CCDC7: variants seen among roughly 807,000 people sequenced by gnomAD.
The protein encoded by CCDC7 is coiled-coil domain containing 7.
Under a neutral mutation model 196.9 loss-of-function variants are expected in CCDC7, and 183 were observed. That is an observed-to-expected ratio of 0.93 (90% CI 0.82 to 1.05). The LOEUF (loss-of-function observed/expected upper bound fraction) is 1.05, where lower values mean the gene tolerates loss of function less well. CCDC7 is among the 50% of genes least tolerant of loss of function. CCDC7 has a pLI of 0.00. For synonymous variants in CCDC7, 525 were observed against 484.6 expected, an observed-to-expected ratio of 1.08 and a Z score of -1.10; for missense variants, 1,540 against 1,482.2, an observed-to-expected ratio of 1.04 and a Z score of -0.64.
At chr10:32,751,912 G>A (rs998999754) in intron 28 of CCDC7, among the ~76,000 whole-genome samples, 10 of 152,132 alleles carry the variant, frequency 6.6e-5, no homozygotes, top group African/African-American at 1.7e-4. Flanking sequence ...GGCAGAGAAC[G>A]TGATTCAGTG....
At chr10:32,840,974 G>A (rs760674242) in intron 33 of CCDC7, among the ~76,000 whole-genome samples, 17 of 151,660 alleles carry the variant, frequency 1.1e-4, no homozygotes, top group East Asian at 9.7e-4. Context: ...TAAAACCCTC[G>A]GCAAAATCGG....
At chr10:32,717,896 A>C (rs1459552333) in intron 25 of CCDC7, among the ~76,000 whole-genome samples, 1 of 4,024 alleles carries the variant, frequency 2.5e-4, no homozygotes, top group East Asian at 0.062. Context: ...ATAGCCTACC[A>C]AAAAAAAAAA....
At chr10:32,460,746 C>G (rs2035454637) in intron 3 of CCDC7, among the ~76,000 whole-genome samples, 1 of 152,150 alleles carries the variant, frequency 6.6e-6, no homozygotes, top group Non-Finnish European at 1.5e-5. Flanking sequence ...TCTTATTTAG[C>G]TTAGTGATTC....
At chr10:32,717,101 A>T in intron 25 of CCDC7, among the ~76,000 whole-genome samples, 1 of 152,212 alleles carries the variant, frequency 6.6e-6, no homozygotes, top group East Asian at 1.9e-4. Context: ...ACCACGTCGC[A>T]CTTATTCTAA....
intron 21 of CCDC7, among the ~76,000 whole-genome samples, chr10:32,673,222 G>A (rs1239501372): frequency 6.6e-6 from 1 of 152,086 alleles, no homozygotes; most frequent in African/African-American, 2.4e-5. Context: ...AAATCAGGAA[G>A]TATGATGCCT....
At chr10:32,836,441 C>A (rs1032803025) in intron 33 of CCDC7, among the ~76,000 whole-genome samples, 2 of 152,108 alleles carry the variant, frequency 1.3e-5, no homozygotes, top group Non-Finnish European at 2.9e-5. Flanking sequence ...AGTTCTAGAT[C>A]CTTGAGGAAT....
At chr10:32,814,342 G>A (rs928903643) in intron 30 of CCDC7, 28 bp from the exon 32 acceptor site, 1 of 1,403,586 alleles carries the variant, frequency 7.1e-7, no homozygotes, top group Non-Finnish European at 1.0e-6. Context: ...TTACCTTACA[G>A]TGTTTTGATA....
intron 9 of CCDC7, among the ~76,000 whole-genome samples, chr10:32,503,378 C>G (rs1049702060): frequency 2.0e-5 from 3 of 152,082 alleles, no homozygotes; most frequent in Non-Finnish European, 4.4e-5. Context: ...TTGTCAAATG[C>G]TTTTTCTGCA....
intron 21 of CCDC7, among the ~76,000 whole-genome samples, chr10:32,669,158 A>G (rs73259424): frequency 1.3e-5 from 2 of 152,084 alleles, no homozygotes; most frequent in East Asian, 1.9e-4. Context: ...TGAGATTATC[A>G]TGTGGTTTTT....
chr10:32,568,006 GTTTTT>G, intron 15 of CCDC7, 115 bp downstream of exon 16: 2 of 598,180 alleles, frequency 3.3e-6, no homozygotes, highest in Non-Finnish European at 2.2e-6. Flanking sequence ...CTGTTTTTGG[GTTTTT>G]TTTTTTTTTT....
chr10:32,811,165 A>G (rs1006662804), intron 30 of CCDC7, among the ~76,000 whole-genome samples: 2 of 152,096 alleles, frequency 1.3e-5, no homozygotes, highest in African/African-American at 4.8e-5. Flanking sequence ...AAAAAGGATC[A>G]GAGCAGAACT....
chr10:32,829,023 TAAG>T (rs1335395680), intron 32 of CCDC7, among the ~76,000 whole-genome samples: 1 of 152,096 alleles, frequency 6.6e-6, no homozygotes, highest in Non-Finnish European at 1.5e-5. Context: ...ATCAACAGGC[TAAG>T]AAGGGGGCTA....
chr10:32,519,327 TCA>T (rs920468577), intron 11 of CCDC7, among the ~76,000 whole-genome samples: 7 of 152,184 alleles, frequency 4.6e-5, no homozygotes, highest in African/African-American at 1.7e-4. Context: ...AGCATCCTAA[TCA>T]CACACTGTTA....
intron 21 of CCDC7, among the ~76,000 whole-genome samples, chr10:32,669,133 T>A (rs529006447): frequency 6.6e-6 from 1 of 152,130 alleles, no homozygotes; most frequent in Admixed American, 6.6e-5. Flanking sequence ...TACTGGATGT[T>A]TTTTCTGCAT....
intron 20 of CCDC7, among the ~76,000 whole-genome samples, chr10:32,636,902 C>G (rs2065760214): frequency 6.6e-6 from 1 of 152,078 alleles, no homozygotes; most frequent in South Asian, 2.1e-4. Flanking sequence ...TGTTTCCTGA[C>G]TTTTTAATGA....
intron 31 of CCDC7, among the ~76,000 whole-genome samples, chr10:32,821,113 T>C (rs2090091844): frequency 6.6e-6 from 1 of 152,036 alleles, no homozygotes; most frequent in African/African-American, 2.4e-5. Context: ...CTCAAACAAA[T>C]TTACAAGAAA....
At chr10:32,880,085 T>C (rs1189932513), downstream of CCDC7, among the ~76,000 whole-genome samples, 1 of 152,132 alleles carries the variant, frequency 6.6e-6, no homozygotes, top group East Asian at 1.9e-4. Flanking sequence ...GATTGCTGGG[T>C]CAAATGGTAT....
intron 16 of CCDC7, among the ~76,000 whole-genome samples, chr10:32,580,250 T>C (rs538729033): frequency 6.6e-6 from 1 of 152,158 alleles, no homozygotes; most frequent in Non-Finnish European, 1.5e-5. Flanking sequence ...CTAGGCAACA[T>C]TGTCAGCATA....
rs146464703 is a variant in CCDC7, at chr10:32,698,188, A to G, written c.2458+3196A>G. 7.0e-3 allele frequency among the ~76,000 whole-genome samples: 1,072 copies of G among 152,256 alleles called. 13 individuals are homozygous for G. The highest frequency in any genetic ancestry group is 0.025 in the African/African-American group (1,023 of 41,548). On this transcript the variant is annotated intron_variant, in intron 24 of 41. Coordinates refer to ENST00000639629, the Ensembl canonical transcript of CCDC7. ...AAAAACAACATCCACAACAAAACCC[A>G]TTTGTAGGTCACCATCATCAAAGAC...
Sources: allele counts gnomAD v4.1 joint callset (sites outside exome capture counted in the v4.1 genomes callset), GRCh38; gene constraint gnomAD v4.1.1; transcripts MANE v1.5; gene names NCBI Gene and HGNC (gene_info 2026-07-23, HGNC 2026-07-21).